The following SDAD1 variants were observed in gnomAD, a reference collection of about 807,000 sequenced individuals.
The protein encoded by SDAD1 is protein SDA1 homolog.
SDAD1 carries 79 observed loss-of-function variants against 100.3 expected under a neutral mutation model. The ratio of observed to expected loss-of-function variants is 0.79; its 90% confidence interval spans 0.66 to 0.95. SDAD1 has a LOEUF of 0.95. Ranked by LOEUF, SDAD1 falls within the 40% of genes least tolerant of loss-of-function variation. The pLI, the probability that SDAD1 is intolerant of heterozygous loss-of-function variation, is 0.00. For synonymous variants in SDAD1, 267 were observed against 271.4 expected (o/e 0.98, Z 0.16); for missense variants, 790 against 810.9 (o/e 0.97, Z 0.31).
At chr4:75,979,518 C>T (rs1410743988) in intron 3 of SDAD1, among the ~76,000 whole-genome samples, 4 of 151,600 alleles carry the variant, frequency 2.6e-5, no homozygotes, top group Admixed American at 6.6e-5. Context: ...TGCAATGGCG[C>T]GATCTCGGCT....
chr4:75,990,629 C>A, intron 1 of SDAD1, 123 bp downstream of exon 1: 1 of 1,594,736 alleles, frequency 6.3e-7, no homozygotes, highest in Non-Finnish European at 8.5e-7. Context: ...TCTGGAGGGA[C>A]CCCTGAACCT....
At position 75,957,534 on chromosome 4, in the gene SDAD1, T is replaced by A; in HGVS notation, c.1753A>T (p.Ser585Cys). ...SQKRKYIEID[S>C]DEEPRGELLS... ...CCATTTTACCTGGGCTCTTCATCAC[T>A]GTCTATTTCAATGTATTTCCTCTTC... Residue 585 changes from serine (S) to cysteine (C), a missense_variant, in exon 19 of 22, where the codon AGT becomes TGT. Ser to Cys is a moderately radical substitution (Grantham distance 112, BLOSUM62 -1). Transcript: ENST00000356260. 1 of 1,614,204 alleles carries A rather than the reference T, an allele frequency of 6.2e-7. No individual in the cohort carries two copies. The highest frequency in any genetic ancestry group is 8.5e-7 in the Non-Finnish European group (1 of 1,180,032).
intron 1 of SDAD1, among the ~76,000 whole-genome samples, chr4:75,987,157 T>C (rs778069386): frequency 6.6e-6 from 1 of 152,230 alleles, no homozygotes; most frequent in South Asian, 2.1e-4. Flanking sequence ...AATTGAGATA[T>C]AATTCATATA....
intron 1 of SDAD1, among the ~76,000 whole-genome samples, chr4:75,983,851 T>A (rs1266001438): frequency 6.6e-6 from 1 of 152,094 alleles, no homozygotes; most frequent in Non-Finnish European, 1.5e-5. Context: ...TTTTAGTCAT[T>A]AAGTCTTGCC....
At chr4:75,983,071 T>C (rs1730641429) in intron 1 of SDAD1, among the ~76,000 whole-genome samples, 1 of 149,434 alleles carries the variant, frequency 6.7e-6, no homozygotes, top group South Asian at 2.1e-4. Context: ...GTGATAGTTT[T>C]CTGAAAATGA....
chr4:75,957,745 C>G (rs764456691), intron 18 of SDAD1, 37 bp from the exon 19 acceptor site: 20 of 1,612,990 alleles, frequency 1.2e-5, no homozygotes, highest in South Asian at 7.7e-5. Context: ...GCTACCAGCT[C>G]AAGTGAGAGC....
chr4:75,956,014 A>G lies in SDAD1; in HGVS notation c.1977T>C (p.Asn659=), dbSNP rs749996453. ...KNFMMMRYSQ[N]VRSKNKRSFR... is the part of the protein sequence containing the mutation. ...AGGAACGCTTATTTTTTGACCGGAC[A>G]TTCTGGCTATACCGCATCATCATAA... Residue 659 remains asparagine, a synonymous_variant, in exon 21 of 22, where the codon AAT becomes AAC. Coordinates refer to ENST00000356260, the MANE Select transcript of SDAD1 (RefSeq NM_018115.4). The G allele has an allele frequency of 6.2e-7, 1 of 1,602,320 alleles. No individual in the cohort carries two copies. Among genetic ancestry groups the G allele is most frequent in the Non-Finnish European group, 8.5e-7 (1 of 1,177,302 alleles).
chr4:75,976,224 C>T (rs564290461), intron 4 of SDAD1, among the ~76,000 whole-genome samples: 48 of 152,276 alleles, frequency 3.2e-4, no homozygotes, highest in African/African-American at 1.1e-3. Context: ...CACAATTCTC[C>T]TAGGTATATA....
chr4:75,968,875 C>G (rs1416762756), intron 11 of SDAD1, among the ~76,000 whole-genome samples: 1 of 151,258 alleles, frequency 6.6e-6, no homozygotes, highest in African/African-American at 2.4e-5. Flanking sequence ...ACTAAAAATA[C>G]AAAAAAACTA....
At chr4:75,957,477 C>A in intron 19 of SDAD1, 41 bp downstream of exon 19, 1 of 1,612,116 alleles carries the variant, frequency 6.2e-7, no homozygotes, top group Non-Finnish European at 8.5e-7. Flanking sequence ...TTCATTACCA[C>A]ATGAGCTGAC....
At position 75,970,282 on chromosome 4, in the gene SDAD1, AGGAACTC is replaced by A; in HGVS notation, c.883+20_883+26del. 1 of 1,592,152 alleles carries A rather than the reference AGGAACTC, an allele frequency of 6.3e-7. No homozygotes were observed. Among genetic ancestry groups the A allele is most frequent in the Non-Finnish European group, 8.6e-7 (1 of 1,161,408 alleles). On this transcript the variant is annotated intron_variant, in intron 10 of 21. Coordinates refer to ENST00000356260, the MANE Select transcript of SDAD1 (RefSeq NM_018115.4). ...AAAATAGGCAGAGATAAGGCCAACA[AGGAACTC>A]GGACGTCATAATAACGTACCTTGGG...
At chr4:75,975,082 T>A (rs1270057546) in intron 6 of SDAD1, among the ~76,000 whole-genome samples, 1 of 151,500 alleles carries the variant, frequency 6.6e-6, no homozygotes, top group Non-Finnish European at 1.5e-5. Flanking sequence ...AAATAAAAAC[T>A]GTAATACAGA....
Position 75,950,603 on chromosome 4 carries a change from A to C in SDAD1, c.*147T>G, listed in dbSNP as rs1728577749. 2.0e-6 allele frequency: 1 copy of C among 500,134 alleles called. No individual in the cohort carries two copies. The highest frequency in any genetic ancestry group is 3.6e-6 in the Non-Finnish European group (1 of 274,272). The allele number at this position is 500,134 out of a possible 1,614,324, so 31.0% of individuals were successfully genotyped here. A position where few individuals can be genotyped will look rare whatever the true frequency, so the allele number is the denominator to read the frequency against. On this transcript the variant is annotated 3_prime_UTR_variant, in exon 22 of 22. Transcript: ENST00000356260. ...ACCATTAGCCGTCTCCAAAATAAAAACACAAAATTGCTGCCACATGTTCAG... is the reference window on the plus strand; with the variant it reads ...ACCATTAGCCGTCTCCAAAATAAAACCACAAAATTGCTGCCACATGTTCAG...
intron 1 of SDAD1, among the ~76,000 whole-genome samples, chr4:75,984,995 G>A (rs1730803397): frequency 6.6e-6 from 1 of 152,076 alleles, no homozygotes; most frequent in Admixed American, 6.5e-5. Context: ...GTCCCTACAT[G>A]CTTCAGATAG....
At chr4:75,964,425 A>G (rs1173285151) in intron 13 of SDAD1, among the ~76,000 whole-genome samples, 3 of 152,232 alleles carry the variant, frequency 2.0e-5, no homozygotes, top group Non-Finnish European at 4.4e-5. Flanking sequence ...TAAATCAAAG[A>G]AAGGAATTAC....
At chr4:75,971,493 A>G (rs1421414455) in intron 8 of SDAD1, 35 bp from the exon 9 acceptor site, 1 of 1,459,064 alleles carries the variant, frequency 6.9e-7, no homozygotes, top group South Asian at 1.1e-5. Flanking sequence ...ATTGTAAACA[A>G]GGAAAATCTG....
intron 1 of SDAD1, among the ~76,000 whole-genome samples, chr4:75,985,277 G>C (rs1263928645): frequency 6.6e-6 from 1 of 152,094 alleles, no homozygotes. Flanking sequence ...AACTCTTGGG[G>C]TGGGGCCAAG....
chr4:75,960,727 C>T (rs1249437991), intron 16 of SDAD1, among the ~76,000 whole-genome samples: 1 of 152,180 alleles, frequency 6.6e-6, no homozygotes, highest in African/African-American at 2.4e-5. Context: ...AGCCTGTTCA[C>T]AAAACTGGCA....
chr4:75,971,496 A>C (rs749325635), intron 8 of SDAD1, 38 bp from the exon 9 acceptor site: 1 of 1,421,996 alleles, frequency 7.0e-7, no homozygotes, highest in South Asian at 1.2e-5. Context: ...GTAAACAAGG[A>C]AAATCTGCAT....
Sources: allele counts gnomAD v4.1 joint callset (sites outside exome capture counted in the v4.1 genomes callset), GRCh38; gene constraint gnomAD v4.1.1; transcripts MANE v1.5; gene names NCBI Gene and HGNC (gene_info 2026-07-23, HGNC 2026-07-21).